The following MYO1H variants were observed in gnomAD, a reference collection of about 807,000 sequenced individuals.
MYO1H encodes myosin IH.
Under a neutral mutation model 149.3 loss-of-function variants are expected in MYO1H, and 118 were observed. The observed-to-expected ratio is 0.79, with a 90% confidence interval of 0.68 to 0.92. The LOEUF (loss-of-function observed/expected upper bound fraction) is 0.92. Among genes scored for constraint, MYO1H ranks in the 40% least tolerant of loss-of-function variants. MYO1H has a pLI of 0.00. For synonymous variants in MYO1H, 447 were observed against 465.2 expected (o/e 0.96, Z 0.50); for missense variants, 1,212 against 1,280.7 (o/e 0.95, Z 0.82).
chr12:109,310,507 C>A, the MYO1H span, among the ~76,000 whole-genome samples: 1 of 152,192 alleles, frequency 6.6e-6, no homozygotes, highest in Non-Finnish European at 1.5e-5. Flanking sequence ...CCGCCCCCAC[C>A]GAGTGAGGCT....
At chr12:109,388,944 A>ACT in intron 2 of MYO1H, 100 bp downstream of exon 2, 1 of 1,395,358 alleles carries the variant, frequency 7.2e-7, no homozygotes, top group Non-Finnish European at 9.7e-7. Context: ...ATTAGGTTAG[A>ACT]CATTAAAGGG....
chr12:109,360,327 G>A (rs1252721520), intron 1 of MYO1H, among the ~76,000 whole-genome samples: 2 of 152,082 alleles, frequency 1.3e-5, no homozygotes, highest in African/African-American at 2.4e-5. Flanking sequence ...AAATTAATGG[G>A]AGTTTCTGGT....
rs181092852 is a variant in MYO1H at position 109,352,477 on chromosome 12, C to T, written c.12+4505C>T. ...CCACATACATACATGAATGTATTTT[C>T]ATCATTGTTTATTCTACGAAACTAG... On this transcript the variant is annotated intron_variant, in intron 1 of 31. Transcript: ENST00000310903. Among the ~76,000 whole-genome samples, 14 of 152,260 alleles carry T rather than the reference C, an allele frequency of 9.2e-5. No homozygotes were observed. The East Asian group carries it at 1.4e-3, about 15-fold the overall frequency.
intron 1 of MYO1H, among the ~76,000 whole-genome samples, chr12:109,370,981 A>G (rs1011014366): frequency 2.0e-5 from 3 of 152,226 alleles, no homozygotes; most frequent in Non-Finnish European, 2.9e-5. Flanking sequence ...ACAAAATGCT[A>G]TAAAGAAATA....
chr12:109,427,284 C>A (rs1450539151), intron 18 of MYO1H, among the ~76,000 whole-genome samples, 185 bp from the exon 19 acceptor site: 1 of 146,890 alleles, frequency 6.8e-6, no homozygotes, highest in African/African-American at 2.6e-5. Flanking sequence ...CCACTGCACT[C>A]CAGCCTGGGC....
rs55927192 is a variant in MYO1H, at chr12:109,353,393, C to CAAAAAAAAAAAAAAAAAAAAAA, written c.12+5426_12+5447dup. Among the ~76,000 whole-genome samples, 20 of 79,298 alleles carry CAAAAAAAAAAAAAAAAAAAAAA rather than the reference C, an allele frequency of 2.5e-4. 2 individuals are homozygous for CAAAAAAAAAAAAAAAAAAAAAA. Among genetic ancestry groups the CAAAAAAAAAAAAAAAAAAAAAA allele is most frequent in the Non-Finnish European group, 2.9e-4 (12 of 41,754 alleles). The allele number at this position is 79,298 out of a possible 152,430, so 52.0% of individuals were successfully genotyped here. On this transcript the variant is annotated intron_variant, in intron 1 of 31. Coordinates refer to ENST00000310903, the Ensembl canonical transcript of MYO1H. ...TGGGTGACAGAGCGAGACTCCGTCTCAAAAAAAAAAAAAAAAAAAAAAAAA... is the reference window on the plus strand; with the variant it reads ...TGGGTGACAGAGCGAGACTCCGTCTCAAAAAAAAAAAAAAAAAAAAAAAAAAAAAAAAAAAAAAAAAAAAAAA...
intron 13 of MYO1H, among the ~76,000 whole-genome samples, 200 bp from the exon 14 acceptor site, chr12:109,411,694 T>C (rs1870679980): frequency 6.6e-6 from 1 of 152,146 alleles, no homozygotes; most frequent in Non-Finnish European, 1.5e-5. Flanking sequence ...TCAGGCCCTC[T>C]GGTTCCATGG....
chr12:109,324,879 A>G, the MYO1H span, among the ~76,000 whole-genome samples: 9 of 151,322 alleles, frequency 5.9e-5, no homozygotes, highest in African/African-American at 2.2e-4. Context: ...CTTTTCCCCT[A>G]CCCTCCAACA....
intron 28 of MYO1H, 79 bp downstream of exon 28, chr12:109,443,728 G>T: frequency 6.5e-7 from 1 of 1,544,006 alleles, no homozygotes; most frequent in East Asian, 2.3e-5. Context: ...GCTCCCAAAT[G>T]GGAAACACAA....
At chr12:109,345,841 C>A (rs2048101062), upstream of MYO1H, among the ~76,000 whole-genome samples, 1 of 152,080 alleles carries the variant, frequency 6.6e-6, no homozygotes, top group Non-Finnish European at 1.5e-5. Context: ...TGAAAGAAGC[C>A]AGTCATGAAA....
At chr12:109,378,589 G>T (rs746836509) in intron 1 of MYO1H, among the ~76,000 whole-genome samples, 11 of 152,170 alleles carry the variant, frequency 7.2e-5, no homozygotes, top group Admixed American at 1.3e-4. Flanking sequence ...AAAAGGCTGG[G>T]ATTGCAGGCA....
the MYO1H span, among the ~76,000 whole-genome samples, chr12:109,314,213 CT>C: frequency 0.011 from 1,434 of 131,954 alleles, 13 homozygotes; most frequent in African/African-American, 0.032. Flanking sequence ...TTTTCTTTGT[CT>C]TTTTTTTTTT....
Position 109,416,378 on chromosome 12 carries a change from G to GTTTTTTT in MYO1H, c.1597+758_1597+759insTTTTTTT, listed in dbSNP as rs771334177. The stretch of plus-strand genomic sequence containing the variant: ...CTCTATAGATTTGACTGTTGTTGTT[G>GTTTTTTT]GTTTTTTTTTTTTTGACATTTTTTA... On this transcript the variant is annotated intron_variant, in intron 15 of 31. Coordinates refer to ENST00000310903, the Ensembl canonical transcript of MYO1H. Among the ~76,000 whole-genome samples, 312 of 135,364 alleles carry GTTTTTTT rather than the reference G, an allele frequency of 2.3e-3. 5 individuals are homozygous for GTTTTTTT. Among genetic ancestry groups the GTTTTTTT allele is most frequent in the African/African-American group, 8.1e-3 (287 of 35,592 alleles). The allele number at this position is 135,364 out of a possible 152,430, so 88.8% of individuals were successfully genotyped here.
At chr12:109,319,759 G>A in the MYO1H span, among the ~76,000 whole-genome samples, 1 of 152,086 alleles carries the variant, frequency 6.6e-6, no homozygotes, top group Non-Finnish European at 1.5e-5. Context: ...GATATTTAGT[G>A]GCTCCCTGGA....
the MYO1H span, among the ~76,000 whole-genome samples, chr12:109,318,972 G>GTTTTTTTTTTTTTTTTTTTTTTTTTTT: frequency 2.1e-4 from 16 of 77,262 alleles, no homozygotes; most frequent in East Asian, 5.2e-4. Flanking sequence ...TTTTGGTTTT[G>GTTTTTTTTTTTTTTTTTTTTTTTTTTT]TTTTTTTTTT....
the MYO1H span, among the ~76,000 whole-genome samples, chr12:109,333,243 C>G: frequency 6.6e-6 from 1 of 152,074 alleles, no homozygotes; most frequent in Non-Finnish European, 1.5e-5. Context: ...TCCCTTGAAC[C>G]TGGGAGGCAG....
chr12:109,423,948 C>A (rs765684084), intron 16 of MYO1H, among the ~76,000 whole-genome samples: 33 of 152,040 alleles, frequency 2.2e-4, no homozygotes, highest in Non-Finnish European at 4.1e-4. Context: ...TCAAACAGTC[C>A]AAAAGCTAGT....
At chr12:109,401,194 G>T (rs1324463849) in exon 6 of MYO1H, 11 of 1,613,892 alleles carry the variant, frequency 6.8e-6, no homozygotes, top group Non-Finnish European at 5.9e-6. Context: ...TCTACCAGCT[G>T]CTGGCAGGTG....
intron 15 of MYO1H, among the ~76,000 whole-genome samples, 171 bp from the exon 16 acceptor site, chr12:109,420,810 C>G (rs1431484217): frequency 6.6e-6 from 1 of 152,102 alleles, no homozygotes; most frequent in African/African-American, 2.4e-5. Flanking sequence ...TGGGACAGCC[C>G]CCACCACAAA....
Sources: allele counts gnomAD v4.1 joint callset (sites outside exome capture counted in the v4.1 genomes callset), GRCh38; gene constraint gnomAD v4.1.1; transcripts MANE v1.5; gene names NCBI Gene and HGNC (gene_info 2026-07-23, HGNC 2026-07-21).